The following SCNN1D variants were observed in gnomAD, a reference collection of about 807,000 sequenced individuals.
SCNN1D encodes sodium channel epithelial 1 subunit delta, also known as epithelial sodium channel subunit delta.
SCNN1D carries 104 observed loss-of-function variants against 87.8 expected under a neutral mutation model. The ratio of observed to expected loss-of-function variants is 1.18; its 90% CI spans 1.01 to 1.39. The LOEUF (loss-of-function observed/expected upper bound fraction) is 1.39, where lower values mean the gene tolerates loss of function less well. SCNN1D is among the 40% of genes most tolerant of loss of function. The pLI is 0.00. For missense variants in SCNN1D, 1,324 were observed against 1,093.9 expected, an observed-to-expected ratio of 1.21 and a Z score of -2.97; for synonymous variants, 628 against 481.2, an observed-to-expected ratio of 1.31 and a Z score of -3.99.
At chr1:1,282,551 C>T (rs948951407) in intron 4 of SCNN1D, among the ~76,000 whole-genome samples, 4 of 126,290 alleles carry the variant, frequency 3.2e-5, no homozygotes, top group Admixed American at 7.8e-5. Context: ...ACAGGGACAC[C>T]TGCCTTCCAC....
At chr1:1,287,364 G>A in intron 9 of SCNN1D, 65 bp downstream of exon 9, 1 of 1,501,344 alleles carries the variant, frequency 6.7e-7, no homozygotes, top group South Asian at 1.3e-5. Context: ...GCACCCCTGG[G>A]GTCCCTCTGG....
intron 4 of SCNN1D, 62 bp from the exon 5 acceptor site, chr1:1,283,916 C>T (rs1036636209): frequency 1.0e-5 from 10 of 972,006 alleles, no homozygotes; most frequent in Non-Finnish European, 1.3e-5. Flanking sequence ...GTGTGGCTGC[C>T]CTGGCTGGGT....
At position 1,291,855 on chromosome 1, in the gene SCNN1D, C is replaced by T. The variant is rs1640830288; in HGVS notation, c.*245C>T. 3 of 428,406 alleles carry T rather than the reference C, an allele frequency of 7.0e-6. No individual in the cohort carries two copies. Among genetic ancestry groups the T allele is most frequent in the Non-Finnish European group, 1.2e-5 (3 of 241,886 alleles). 26.5% of individuals were successfully genotyped at this position (428,406 alleles called of 1,614,324 possible). On this transcript the variant is annotated 3_prime_UTR_variant, in exon 18 of 18. Transcript: ENST00000379116. ...GTGCACACGAGTGCGGCTGGACGTG[C>T]CGACACGCGGTGATGTACCCATGCT...
chr1:1,285,515 A>G, intron 5 of SCNN1D, 56 bp from the exon 6 acceptor site: 1 of 1,223,552 alleles, frequency 8.2e-7, no homozygotes, highest in Non-Finnish European at 1.1e-6. Context: ...TCTTCCCCTG[A>G]GCCCCAGACC....
Position 1,284,090 on chromosome 1 carries a change from G to A in SCNN1D, c.464G>A (p.Arg155Lys). The stretch of plus-strand genomic sequence containing the variant: ...CCACACGGGGGGGCTCTCACCTCCA[G>A]GTACCGTGGGGGGGGGTGAGGGGGG... ...KQPHGGALTS[R>K]SPGPVAPQRP... The change falls in exon 5 of 18, where the codon AGA (arginine) becomes AAA (lysine). Residue 155 changes from arginine to lysine, a missense_variant and splice_region_variant. Physicochemically the swap from Arg to Lys is conservative, Grantham distance 26 (BLOSUM62 2). Transcript: ENST00000379116. 1 of 444,488 alleles carries A rather than the reference G, an allele frequency of 2.2e-6. No individual in the cohort carries two copies. The highest frequency in any genetic ancestry group is 2.7e-6 in the Non-Finnish European group (1 of 373,766). 27.5% of individuals were successfully genotyped at this position (444,488 alleles called of 1,614,324 possible).
chr1:1,287,381 G>T, intron 9 of SCNN1D, 82 bp downstream of exon 9: 3 of 1,492,276 alleles, frequency 2.0e-6, no homozygotes, highest in Non-Finnish European at 2.7e-6. Flanking sequence ...CTGGCTGTAT[G>T]CTGGGAGCCA....
chr1:1,290,604 G>A (rs1452090500), intron 14 of SCNN1D, 33 bp from the exon 15 acceptor site: 1 of 1,612,432 alleles, frequency 6.2e-7, no homozygotes, highest in Non-Finnish European at 8.5e-7. Context: ...GCCCCAGGTA[G>A]CGTGGCAGGT....
Position 1,286,015 on chromosome 1 carries a change from G to T in SCNN1D, c.648G>T (p.Leu216=), listed in dbSNP as rs1319580966. ...KEGHQEGLVE[L]PASFRELLTF... ...GGCACCAGGAGGGGCTGGTGGAGCT[G>T]CCCGCCTCGTTCCGGGAGCTGCTCA... is the stretch of plus-strand genomic sequence containing the variant. Residue 216 remains leucine (L), a synonymous_variant, in exon 7 of 18, where the codon CTG becomes CTT. Coordinates refer to ENST00000379116, the MANE Select transcript of SCNN1D (RefSeq NM_001130413.4). The T allele has an allele frequency of 3.8e-6, 6 of 1,563,352 alleles. No individual in the cohort carries two copies. Among genetic ancestry groups the T allele is most frequent in the Admixed American group, 1.9e-5 (1 of 53,036 alleles).
chr1:1,289,926 TCC>T (rs771091414), intron 12 of SCNN1D, among the ~76,000 whole-genome samples: 182 of 27,078 alleles, frequency 6.7e-3, no homozygotes, highest in African/African-American at 8.9e-3. Context: ...CTCTGCCCCG[TCC>T]CCCGTGTCTC....
At chr1:1,282,441 C>T in intron 4 of SCNN1D, 126 bp downstream of exon 4, 1 of 1,123,168 alleles carries the variant, frequency 8.9e-7, no homozygotes, top group African/African-American at 1.6e-5. Context: ...AGAGCCTACC[C>T]TTCCAACCTG....
intron 17 of SCNN1D, 47 bp downstream of exon 17, chr1:1,291,187 G>A (rs374010298): frequency 1.9e-6 from 3 of 1,594,206 alleles, no homozygotes; most frequent in Non-Finnish European, 2.6e-6. Flanking sequence ...CAGCGACAGT[G>A]GCTGGCCCTG....
intron 3 of SCNN1D, 25 bp downstream of exon 3, chr1:1,281,635 G>A: frequency 1.3e-6 from 2 of 1,528,390 alleles, no homozygotes; most frequent in Non-Finnish European, 1.8e-6. Flanking sequence ...GCCCTTAGAG[G>A]CCTTGCCCGG....
chr1:1,286,185 G>A lies in SCNN1D; in HGVS notation c.818G>A (p.Arg273His), dbSNP rs149465803. The change falls in exon 7 of 18, where the codon CGT becomes CAT. Residue 273 changes from arginine (R) to histidine (H), a missense_variant. Arg to His is a conservative substitution (Grantham distance 29). Coordinates refer to ENST00000379116, the MANE Select transcript of SCNN1D (RefSeq NM_001130413.4). ...LCWQLGLLFERHWHRPVLMAV... is the reference protein window; with the variant it reads ...LCWQLGLLFEHHWHRPVLMAV... ...TGGCAGCTGGGGCTCCTCTTTGAGC[G>A]TCACTGGCACCGCCCGGTCCTCATG... The A allele has an allele frequency of 2.4e-4, 385 of 1,603,512 alleles. 2 individuals carry two copies. The highest frequency in any genetic ancestry group is 2.9e-4 in the Non-Finnish European group (336 of 1,178,302).
Position 1,290,662 on chromosome 1 carries a change from G to A in SCNN1D, c.1885G>A (p.Gly629Arg), listed in dbSNP as rs551363892. The stretch of plus-strand genomic sequence containing the variant: ...GGAGTCTGCATTCAAGCTCTCCACT[G>A]GGACCTCCAGGTGGCCTTCCGCCAA... ...CRESAFKLST[G>R]TSRWPSAKSA... is the part of the protein sequence containing the mutation. Residue 629 changes from glycine to arginine, a missense_variant, in exon 15 of 18, where the codon GGG becomes AGG. Physicochemically the swap from Gly to Arg is moderately radical, Grantham distance 125. Coordinates refer to ENST00000379116, the MANE Select transcript of SCNN1D (RefSeq NM_001130413.4). The A allele has an allele frequency of 1.2e-6, 2 of 1,612,646 alleles. No individual in the cohort carries two copies. Among genetic ancestry groups the A allele is most frequent in the South Asian group, 1.1e-5 (1 of 91,086 alleles).
In SCNN1D at chr1:1,280,509, G is replaced by A. The variant is rs757570443; in HGVS notation, c.-153G>A. The A allele has an allele frequency of 5.5e-6, 3 of 548,764 alleles. No homozygotes were observed. The highest frequency in any genetic ancestry group is 9.9e-6 in the Non-Finnish European group (3 of 301,802). 34.0% of individuals were successfully genotyped at this position (548,764 alleles called of 1,614,324 possible). Reference sequence around the variant, plus strand: ...TTGTTATCAGTAGAAGGGAATGTCTGGTTACAGTATGGCGTTGTGCAGATG... The same window carrying A: ...TTGTTATCAGTAGAAGGGAATGTCTAGTTACAGTATGGCGTTGTGCAGATG... On this transcript the variant is annotated 5_prime_UTR_variant, in exon 1 of 18. Coordinates refer to ENST00000379116, the MANE Select transcript of SCNN1D (RefSeq NM_001130413.4).
rs566797697 is a variant in SCNN1D at position 1,288,148 on chromosome 1, C to T, written c.1662+111C>T. ...GGGAGAGTACTAGAGGGCCTGGGAA[C>T]GGGGCAGTCCCCGTGGAGGCCCGCA... On this transcript the variant is annotated intron_variant, in intron 12 of 17. Coordinates refer to ENST00000379116, the MANE Select transcript of SCNN1D (RefSeq NM_001130413.4). 7.9e-4 allele frequency: 637 copies of T among 802,674 alleles called. 1 individual carries two copies. Among genetic ancestry groups the T allele is most frequent in the Admixed American group, 1.6e-3 (58 of 35,388 alleles). The allele number at this position is 802,674 out of a possible 1,614,324, so 49.7% of individuals were successfully genotyped here.
chr1:1,291,588 C>G lies in SCNN1D; in HGVS notation c.2387C>G (p.Pro796Arg). The stretch of plus-strand genomic sequence containing the variant: ...GAAGAGAGCTGGGCTGGGCCCCAGC[C>G]CCTTGAGACTCTGGACACCTGAACC... ...SAEESWAGPQPLETLDT is the reference protein window; with the variant it reads ...SAEESWAGPQRLETLDT The change falls in exon 18 of 18, where the codon CCC (proline) becomes CGC (arginine). Residue 796 changes from proline (P) to arginine (R), a missense_variant. Pro to Arg is a moderately radical substitution (Grantham distance 103). Transcript: ENST00000379116. 4.5e-6 allele frequency: 7 copies of G among 1,548,058 alleles called. No homozygotes were observed. Among genetic ancestry groups the G allele is most frequent in the Non-Finnish European group, 6.1e-6 (7 of 1,144,828 alleles).
At position 1,287,140 on chromosome 1, in the gene SCNN1D, G is replaced by A. The variant is rs962769215; in HGVS notation, c.1151G>A (p.Arg384Gln). Reference sequence around the variant, plus strand: ...AGCACGGGCGGCGACTGCTTTTACCGAGGCTACACGTCAGGCGTGGCGGCT... The same window carrying A: ...AGCACGGGCGGCGACTGCTTTTACCAAGGCTACACGTCAGGCGTGGCGGCT... ...CNSTGGDCFY[R>Q]GYTSGVAAVQ... The change falls in exon 9 of 18, where the codon CGA (arginine) becomes CAA (glutamine). Residue 384 changes from arginine to glutamine, a missense_variant. Transcript: ENST00000379116. 4.4e-6 allele frequency: 7 copies of A among 1,601,798 alleles called. No individual in the cohort carries two copies. Among genetic ancestry groups the A allele is most frequent in the South Asian group, 1.1e-5 (1 of 90,634 alleles).
chr1:1,287,995 C>A lies in SCNN1D; in HGVS notation c.1620C>A (p.Gly540=). The change falls in exon 12 of 18, where the codon GGC becomes GGA. Residue 540 remains glycine (G), a synonymous_variant. Transcript: ENST00000379116. ...GCCACTGCACCGCCGGCGGGGAAGG[C>A]GTGGAGGTGGAGCTGCTACACAACA... is the stretch of plus-strand genomic sequence containing the variant. ...PYGHCTAGGE[G]VEVELLHNTS... The A allele has an allele frequency of 1.3e-6, 2 of 1,537,738 alleles. No individual in the cohort carries two copies. The highest frequency in any genetic ancestry group is 1.8e-6 in the Non-Finnish European group (2 of 1,139,516).
Sources: gnomAD v4.1 joint callset for allele counts (sites outside exome capture counted in the v4.1 genomes callset) on GRCh38, gnomAD v4.1.1 for gene constraint, MANE v1.5 for transcripts, NCBI Gene and HGNC (gene_info 2026-07-23, HGNC 2026-07-21) for gene names.